TTLL8: variants seen among roughly 807,000 people sequenced by gnomAD.
TTLL8 encodes tubulin tyrosine ligase like 8, also known as protein monoglycylase TTLL8.
Under a neutral mutation model 77.8 loss-of-function variants are expected in TTLL8, and 65 were observed. The ratio of observed to expected loss-of-function variants is 0.84; its 90% confidence interval spans 0.68 to 1.03. TTLL8 has a LOEUF of 1.03. Ranked by LOEUF, TTLL8 falls within the 50% of genes least tolerant of loss-of-function variation. The probability of loss-of-function intolerance (pLI) is 0.00; values close to 1 mark genes in which losing one functional copy is unlikely to be tolerated. For synonymous variants in TTLL8, 402 were observed against 422.8 expected (o/e 0.95, Z 0.60); for missense variants, 910 against 1,004.5 (o/e 0.91, Z 1.27).
chr22:50,036,112 C>T (rs541109856), intron 8 of TTLL8, among the ~76,000 whole-genome samples: 1 of 152,226 alleles, frequency 6.6e-6, no homozygotes, highest in South Asian at 2.1e-4. Context: ...GGGGCCACAG[C>T]CAGGGCTCTC....
chr22:50,031,418 A>C (rs983089050), intron 11 of TTLL8, among the ~76,000 whole-genome samples: 32 of 152,212 alleles, frequency 2.1e-4, no homozygotes, highest in African/African-American at 7.0e-4. Flanking sequence ...AGCTGGACAG[A>C]GGCACTGAGC....
chr22:50,033,139 C>T, intron 10 of TTLL8, 63 bp downstream of exon 11: 2 of 1,281,062 alleles, frequency 1.6e-6, no homozygotes, highest in Non-Finnish European at 2.1e-6. Flanking sequence ...TGCGGCTGCT[C>T]CAGGCATGCA....
At chr22:50,019,732 C>G (rs1243382453) in intron 12 of TTLL8, among the ~76,000 whole-genome samples, 3 of 152,224 alleles carry the variant, frequency 2.0e-5, no homozygotes, top group Non-Finnish European at 4.4e-5. Flanking sequence ...AGGAGCCCTT[C>G]TCGGACTCCT....
chr22:50,029,993 C>CGGGCGTGG (rs1188127804), intron 12 of TTLL8, among the ~76,000 whole-genome samples: 1 of 152,242 alleles, frequency 6.6e-6, no homozygotes, highest in African/African-American at 2.4e-5. Flanking sequence ...TGGCTCAGGC[C>CGGGCGTGG]TGTCACCTCA....
chr22:50,024,410 C>A (rs2061220528), intron 12 of TTLL8, among the ~76,000 whole-genome samples: 1 of 152,154 alleles, frequency 6.6e-6, no homozygotes, highest in Non-Finnish European at 1.5e-5. Flanking sequence ...CAGGTGTGAG[C>A]CACCACTGTC....
chr22:50,041,933 C>T lies in TTLL8; in HGVS notation c.644-126G>A, dbSNP rs554885103. ...ACTCCCTCTGTGCCCCAATACCCAA[C>T]AAGTATCCCAGATCCCCAGACAGGC... On this transcript the variant is annotated intron_variant, in intron 6 of 13. Transcript: ENST00000266182. The surrounding 1 kb of genome is among the most constrained non-coding windows in gnomAD (Gnocchi z 4.3). The T allele has an allele frequency of 1.2e-6, 1 of 846,064 alleles. No homozygotes were observed. Among genetic ancestry groups the T allele is most frequent in the Non-Finnish European group, 1.6e-6 (1 of 626,924 alleles). The allele number at this position is 846,064 out of a possible 1,614,324, so 52.4% of individuals were successfully genotyped here.
chr22:50,057,497 T>TGGGGTCAGGTCTGGGTTGG (rs1490958294), upstream of TTLL8, among the ~76,000 whole-genome samples: 1 of 32,210 alleles, frequency 3.1e-5, no homozygotes. Context: ...AGGTCTGGGT[T>TGGGGTCAGGTCTGGGTTGG]GGGGTCAGGT....
intron 12 of TTLL8, among the ~76,000 whole-genome samples, chr22:50,026,895 C>T (rs73183330): frequency 0.038 from 5,839 of 152,090 alleles, 301 homozygotes; most frequent in East Asian, 0.26. Flanking sequence ...TCAAAGAACC[C>T]GGTTAAATGA....
chr22:50,024,757 T>TCACCAGCAAGACCAGTAAG (rs2061222244), intron 12 of TTLL8, among the ~76,000 whole-genome samples: 1 of 152,206 alleles, frequency 6.6e-6, no homozygotes, highest in Non-Finnish European at 1.5e-5. Flanking sequence ...ACAAGCAAGC[T>TCACCAGCAAGACCAGTAAG]CACCAGCAAG....
At chr22:50,019,854 C>T (rs73893114) in intron 12 of TTLL8, among the ~76,000 whole-genome samples, 3,686 of 152,224 alleles carry the variant, frequency 0.024, 129 homozygotes, top group African/African-American at 0.082. Context: ...TTACATTAAA[C>T]GTAAATGTTA....
chr22:50,021,605 CG>C (rs2061200735), intron 12 of TTLL8, among the ~76,000 whole-genome samples: 2 of 97,136 alleles, frequency 2.1e-5, no homozygotes, highest in African/African-American at 4.2e-5. Context: ...CTCCATCTGA[CG>C]ACGTGCACTC....
chr22:50,047,165 C>T lies in TTLL8; in HGVS notation c.393+3G>A, dbSNP rs778612391. The T allele has an allele frequency of 2.2e-6, 3 of 1,367,418 alleles. No individual in the cohort carries two copies. The South Asian group carries it at 3.4e-5, about 16-fold the overall frequency. 84.7% of individuals were successfully genotyped at this position (1,367,418 alleles called of 1,614,324 possible). ...CCGCCACGCTCAAGCGCGGCCGGCT[C>T]ACCTTGGTGGTGAAGGAGGCTGTCT... On this transcript the variant is annotated splice_donor_region_variant and intron_variant, in intron 4 of 13. Transcript: ENST00000266182.
chr22:50,033,786 G>A (rs962655836), intron 9 of TTLL8, among the ~76,000 whole-genome samples: 3 of 152,226 alleles, frequency 2.0e-5, no homozygotes, highest in Non-Finnish European at 4.4e-5. Flanking sequence ...TGTAATCCCA[G>A]CACTTTGGGA....
At chr22:50,052,203 G>A (rs1022063314) in intron 1 of TTLL8, among the ~76,000 whole-genome samples, 8 of 152,184 alleles carry the variant, frequency 5.3e-5, no homozygotes, top group Non-Finnish European at 8.8e-5. Flanking sequence ...CCTATCACCC[G>A]AGGCTTTGGG....
chr22:50,021,560 C>T (rs1324044895), intron 12 of TTLL8, among the ~76,000 whole-genome samples: 1 of 148,172 alleles, frequency 6.7e-6, no homozygotes, highest in Non-Finnish European at 1.5e-5. Context: ...ACTCCTCCAT[C>T]TGATGATGTG....
chr22:50,026,574 T>C (rs1325092242), intron 12 of TTLL8, among the ~76,000 whole-genome samples: 4 of 152,202 alleles, frequency 2.6e-5, no homozygotes, highest in Admixed American at 6.5e-5. Flanking sequence ...GCTCCACCTG[T>C]AAGACGTGCA....
At chr22:50,021,490 ACTC>A (rs971646253) in intron 12 of TTLL8, among the ~76,000 whole-genome samples, 2 of 120,902 alleles carry the variant, frequency 1.7e-5, no homozygotes, top group African/African-American at 3.3e-5. Context: ...TCTGACATGC[ACTC>A]CTCCATCTGA....
chr22:50,057,428 G>A (rs1601944156), upstream of TTLL8, among the ~76,000 whole-genome samples: 2 of 128,310 alleles, frequency 1.6e-5, no homozygotes, highest in African/African-American at 6.1e-5. Context: ...CTGGGTTGGG[G>A]GTCAGGTCTG....
chr22:50,033,876 A>C (rs1343320816), intron 9 of TTLL8, among the ~76,000 whole-genome samples: 1 of 152,138 alleles, frequency 6.6e-6, no homozygotes, highest in Non-Finnish European at 1.5e-5. Flanking sequence ...CTCTACTAAA[A>C]ATACAAAAAA....
Sources: gnomAD v4.1 joint callset for allele counts (sites outside exome capture counted in the v4.1 genomes callset) on GRCh38, gnomAD v4.1.1 for gene constraint, Gnocchi (gnomAD v3.1) non-coding constraint, MANE v1.5 for transcripts, NCBI Gene and HGNC (gene_info 2026-07-23, HGNC 2026-07-21) for gene names.